EPHA3: variants seen among roughly 807,000 people sequenced by gnomAD.
EPHA3 encodes the protein ephrin type-A receptor 3.
A neutral mutation model predicts 107.1 loss-of-function variants in EPHA3; 42 were observed. The ratio of observed to expected loss-of-function variants is 0.39; its 90% confidence interval spans 0.31 to 0.51. The LOEUF (loss-of-function observed/expected upper bound fraction) is 0.51. EPHA3 is among the 20% of genes least tolerant of loss of function. The probability of loss-of-function intolerance (pLI) is 0.78; values close to 1 mark genes in which losing one functional copy is unlikely to be tolerated. For missense variants in EPHA3, 1,183 were observed against 1,211.2 expected (o/e 0.98, Z 0.35); for synonymous variants, 461 against 424.8 (o/e 1.09, Z -1.05).
At chr3:89,377,917 T>C (rs1708432033) in intron 5 of EPHA3, among the ~76,000 whole-genome samples, 2 of 152,252 alleles carry the variant, frequency 1.3e-5, no homozygotes. Flanking sequence ...TTCAAAGACA[T>C]GTAATTAGTT....
At chr3:89,266,127 A>G (rs1705533610) in intron 3 of EPHA3, among the ~76,000 whole-genome samples, 1 of 152,180 alleles carries the variant, frequency 6.6e-6, no homozygotes, top group South Asian at 2.1e-4. Context: ...CTCTAAACTC[A>G]TTGAATAATA....
At chr3:89,405,551 C>T (rs1709039775) in intron 7 of EPHA3, among the ~76,000 whole-genome samples, 1 of 152,170 alleles carries the variant, frequency 6.6e-6, no homozygotes, top group Non-Finnish European at 1.5e-5. Context: ...TCTTCAGATG[C>T]TGCTCACAGG....
At chr3:89,136,466 G>A (rs1223156938) in intron 2 of EPHA3, among the ~76,000 whole-genome samples, 3 of 146,780 alleles carry the variant, frequency 2.0e-5, no homozygotes, top group Non-Finnish European at 4.5e-5. Flanking sequence ...TTTATAAAAA[G>A]TAAAATGTTT....
rs530056951 is a variant in EPHA3 at position 89,350,116 on chromosome 3, A to C, written c.1306+8026A>C. Among the ~76,000 whole-genome samples the C allele has an allele frequency of 4.5e-3, 684 of 150,616 alleles. 16 individuals carry two copies. Among genetic ancestry groups the C allele is most frequent in the Middle Eastern group, 0.017 (5 of 292 alleles). On this transcript the variant is annotated intron_variant, in intron 5 of 16. Coordinates refer to ENST00000336596, the MANE Select transcript of EPHA3 (RefSeq NM_005233.6). The stretch of plus-strand genomic sequence containing the variant: ...TGTCTTGGAGTTGCTCTTCTCGAGG[A>C]GTATCTTTGTGGCATTCTCTGTATT...
rs753848304 is a variant in EPHA3, at chr3:89,113,485, C to CAAAAAAAAAAAAAAAAAAAAAAAAA, written c.88+5653_88+5677dup. Among the ~76,000 whole-genome samples the CAAAAAAAAAAAAAAAAAAAAAAAAA allele has an allele frequency of 6.4e-5, 2 of 31,102 alleles. 1 individual carries two copies. The highest frequency in any genetic ancestry group is 1.2e-4 in the Non-Finnish European group (2 of 16,154). The allele number at this position is 31,102 out of a possible 152,430, so 20.4% of individuals were successfully genotyped here. ...TTGCCTCCTACCAGCTTCCTTTGTA[C>CAAAAAAAAAAAAAAAAAAAAAAAAA]AAAAAAAAAAAAAAAAAAAAAAAAA... On this transcript the variant is annotated intron_variant, in intron 1 of 16. Coordinates refer to ENST00000336596, the MANE Select transcript of EPHA3 (RefSeq NM_005233.6).
At chr3:89,169,107 G>A (rs1288250071) in intron 2 of EPHA3, among the ~76,000 whole-genome samples, 1 of 152,070 alleles carries the variant, frequency 6.6e-6, no homozygotes, top group East Asian at 1.9e-4. Context: ...AAAAGCATCA[G>A]CCCATTTAGG....
intron 10 of EPHA3, 48 bp downstream of exon 10, chr3:89,413,314 G>T (rs77327554): frequency 1.9e-6 from 3 of 1,607,194 alleles, no homozygotes; most frequent in Non-Finnish European, 2.6e-6. Context: ...TGTGAATCAC[G>T]ATTGCTCAGT....
intron 2 of EPHA3, among the ~76,000 whole-genome samples, chr3:89,208,423 G>GAAGAAAGAAAGAAAGA (rs745313705): frequency 1.0e-3 from 38 of 37,532 alleles, no homozygotes; most frequent in East Asian, 2.7e-3. Flanking sequence ...AGGAAGGAAG[G>GAAGAAAGAAAGAAAGA]AAGAAAGAAA....
chr3:89,342,238 A>G (rs1032690681), intron 5 of EPHA3, 148 bp downstream of exon 5: 3 of 624,724 alleles, frequency 4.8e-6, no homozygotes, highest in Non-Finnish European at 8.0e-6. Flanking sequence ...GTTATGGCAC[A>G]TTAAATAATT....
chr3:89,308,845 C>G (rs1034813311), intron 3 of EPHA3, among the ~76,000 whole-genome samples: 1 of 152,026 alleles, frequency 6.6e-6, no homozygotes, highest in Non-Finnish European at 1.5e-5. Flanking sequence ...AAGATTCATA[C>G]TGAATGCATA....
chr3:89,383,175 T>G (rs960831136), intron 5 of EPHA3, among the ~76,000 whole-genome samples: 13 of 152,344 alleles, frequency 8.5e-5, no homozygotes, highest in South Asian at 2.1e-4. Flanking sequence ...ACTTCCACTC[T>G]ATAGTTGTAG....
intron 3 of EPHA3, among the ~76,000 whole-genome samples, chr3:89,305,453 C>A (rs1350905547): frequency 6.6e-6 from 1 of 151,990 alleles, no homozygotes; most frequent in Non-Finnish European, 1.5e-5. Context: ...TTTGCATCCA[C>A]CTGTAAGGTA....
At chr3:89,436,761 T>C (rs1709678505) in intron 13 of EPHA3, among the ~76,000 whole-genome samples, 1 of 152,230 alleles carries the variant, frequency 6.6e-6, no homozygotes, top group South Asian at 2.1e-4. Context: ...TCTCACACTG[T>C]GTTCTATACT....
chr3:89,289,198 C>T lies in EPHA3; in HGVS notation c.815-51718C>T, dbSNP rs1046962398. Among the ~76,000 whole-genome samples the T allele has an allele frequency of 4.6e-5, 7 of 152,064 alleles. No individual in the cohort carries two copies. In the South Asian group the frequency reaches 6.2e-4, roughly 14 times the overall value. On this transcript the variant is annotated intron_variant, in intron 3 of 16. Coordinates refer to ENST00000336596, the MANE Select transcript of EPHA3 (RefSeq NM_005233.6). The stretch of plus-strand genomic sequence containing the variant: ...TATCTACCATTGGTGATAACTGAAA[C>T]GTACAGGACTTAACTTTTCTGTATC...
At chr3:89,292,274 C>G (rs1706224399) in intron 3 of EPHA3, among the ~76,000 whole-genome samples, 1 of 152,030 alleles carries the variant, frequency 6.6e-6, no homozygotes, top group African/African-American at 2.4e-5. Flanking sequence ...AAAAATAACA[C>G]AAATTTTAAT....
At chr3:89,157,863 G>T (rs938762081) in intron 2 of EPHA3, among the ~76,000 whole-genome samples, 3 of 139,102 alleles carry the variant, frequency 2.2e-5, no homozygotes. Flanking sequence ...TGAAGAAAAA[G>T]AAAAAAAAAA....
chr3:89,185,626 G>C (rs1428062783), intron 2 of EPHA3, among the ~76,000 whole-genome samples: 1 of 152,040 alleles, frequency 6.6e-6, no homozygotes, highest in African/African-American at 2.4e-5. Context: ...AAGTAGGTGG[G>C]ATTGGAGGAA....
intron 16 of EPHA3, among the ~76,000 whole-genome samples, chr3:89,479,113 G>T (rs564459805): frequency 6.6e-6 from 1 of 152,016 alleles, no homozygotes; most frequent in Non-Finnish European, 1.5e-5. Flanking sequence ...TTTCCCAATC[G>T]GTGTATTAAT....
intron 2 of EPHA3, among the ~76,000 whole-genome samples, chr3:89,158,695 T>G (rs1576192257): frequency 1.3e-5 from 2 of 152,128 alleles, no homozygotes; most frequent in East Asian, 3.9e-4. Context: ...CTCAAACATA[T>G]TTTACAGTGG....
Sources: gnomAD v4.1 joint callset for allele counts (sites outside exome capture counted in the v4.1 genomes callset) on GRCh38, gnomAD v4.1.1 for gene constraint, MANE v1.5 for transcripts, NCBI Gene and HGNC (gene_info 2026-07-23, HGNC 2026-07-21) for gene names.